CCBE1: variants seen among roughly 807,000 people sequenced by gnomAD.
The protein encoded by CCBE1 is collagen and calcium binding EGF domains 1.
CCBE1 carries 37 observed loss-of-function variants against 50.0 expected under a neutral mutation model. The observed-to-expected ratio is 0.74, with a 90% CI of 0.57 to 0.97. The LOEUF is 0.97. Among genes scored for constraint, CCBE1 ranks in the 50% least tolerant of loss-of-function variants. The pLI is 0.00. For synonymous variants in CCBE1, 234 were observed against 203.7 expected (o/e 1.15, Z -1.27); for missense variants, 538 against 523.8 (o/e 1.03, Z -0.26).
rs181363533 is a variant in CCBE1 at position 59,445,131 on chromosome 18, C to A, written c.775+2852G>T. On this transcript the variant is annotated intron_variant, in intron 7 of 10. Coordinates refer to ENST00000439986, the MANE Select transcript of CCBE1 (RefSeq NM_133459.4). The stretch of plus-strand genomic sequence containing the variant: ...CATCACCAAATCCAATGTCATGAAG[C>A]TTTCCTCTATGTTTTCTTCTAGGAT... 2.8e-4 allele frequency among the ~76,000 whole-genome samples: 42 copies of A among 152,242 alleles called. No individual in the cohort carries two copies. The East Asian group carries it at 7.1e-3, about 26-fold the overall frequency.
chr18:59,670,483 G>A (rs2144707889), intron 2 of CCBE1, among the ~76,000 whole-genome samples: 1 of 152,262 alleles, frequency 6.6e-6, no homozygotes, highest in Middle Eastern at 3.4e-3. Flanking sequence ...CTTTCATAAT[G>A]AGGATTTGTC....
chr18:59,502,286 C>T (rs927330407), intron 2 of CCBE1, among the ~76,000 whole-genome samples: 1 of 152,226 alleles, frequency 6.6e-6, no homozygotes, highest in Non-Finnish European at 1.5e-5. Flanking sequence ...TGCTGAGCAA[C>T]TGCACCCTCG....
intron 2 of CCBE1, among the ~76,000 whole-genome samples, chr18:59,533,480 T>G (rs1400980492): frequency 6.6e-6 from 1 of 152,214 alleles, no homozygotes; most frequent in Non-Finnish European, 1.5e-5. Flanking sequence ...TTTCAAAATT[T>G]TATATTCACA....
chr18:59,526,937 C>G (rs1038681030), intron 2 of CCBE1, among the ~76,000 whole-genome samples: 2 of 152,062 alleles, frequency 1.3e-5, no homozygotes, highest in African/African-American at 4.8e-5. Context: ...ATTATGTGAT[C>G]AATTTTAGAA....
At chr18:59,574,779 T>G (rs577431402) in intron 2 of CCBE1, among the ~76,000 whole-genome samples, 8 of 152,274 alleles carry the variant, frequency 5.3e-5, no homozygotes, top group Admixed American at 1.3e-4. Flanking sequence ...CTTATACCTC[T>G]AGGTAGATGA....
intron 2 of CCBE1, among the ~76,000 whole-genome samples, chr18:59,504,787 TTCC>T (rs1186941535): frequency 2.0e-5 from 3 of 152,150 alleles, no homozygotes; most frequent in African/African-American, 7.2e-5. Flanking sequence ...TTATATTGAT[TTCC>T]TCCTCCTCTT....
chr18:59,457,513 T>C (rs1911253178), intron 5 of CCBE1, among the ~76,000 whole-genome samples: 1 of 152,182 alleles, frequency 6.6e-6, no homozygotes, highest in Non-Finnish European at 1.5e-5. Context: ...GGCAAGGTAA[T>C]GCACGGAAAG....
At chr18:59,557,873 A>G (rs1304096038) in intron 2 of CCBE1, among the ~76,000 whole-genome samples, 1 of 152,036 alleles carries the variant, frequency 6.6e-6, no homozygotes, top group East Asian at 1.9e-4. Context: ...AACCTGGACC[A>G]CTCTTAGTCA....
At chr18:59,630,077 G>A (rs898390101) in intron 2 of CCBE1, among the ~76,000 whole-genome samples, 34 of 152,174 alleles carry the variant, frequency 2.2e-4, no homozygotes, top group Non-Finnish European at 2.4e-4. Context: ...AGCTGTATAA[G>A]GAAACAGGAG....
At chr18:59,678,641 T>G (rs921892349) in intron 2 of CCBE1, among the ~76,000 whole-genome samples, 2 of 151,990 alleles carry the variant, frequency 1.3e-5, no homozygotes, top group African/African-American at 4.8e-5. Flanking sequence ...CAAGCGATTC[T>G]CCTGCCTCAG....
Position 59,697,338 on chromosome 18 carries a change from A to G in CCBE1, c.5T>C (p.Val2Ala). M[V>A]PPPPSRGGAA... ...TCCTCCCCGGCTCGGAGGCGGCGGC[A>G]CCATCAGGGAAGCTCCCGGCTTCTT... The change falls in exon 1 of 11, where the codon GTG becomes GCG. Residue 2 changes from valine (V) to alanine (A), a missense_variant. Val to Ala is a moderately conservative substitution (Grantham distance 64). Coordinates refer to ENST00000439986, the MANE Select transcript of CCBE1 (RefSeq NM_133459.4). 6.5e-7 allele frequency: 1 copy of G among 1,547,172 alleles called. No individual in the cohort carries two copies. The highest frequency in any genetic ancestry group is 8.7e-7 in the Non-Finnish European group (1 of 1,146,746).
chr18:59,568,855 G>A (rs1028276580), intron 2 of CCBE1, among the ~76,000 whole-genome samples: 1 of 152,198 alleles, frequency 6.6e-6, no homozygotes, highest in African/African-American at 2.4e-5. Context: ...GCCACAGCAA[G>A]CTGATTCACA....
chr18:59,461,068 T>C (rs1911449281), intron 5 of CCBE1, among the ~76,000 whole-genome samples: 1 of 152,132 alleles, frequency 6.6e-6, no homozygotes, highest in Non-Finnish European at 1.5e-5. Flanking sequence ...TCTGAAAGGG[T>C]GAAAGGGTCT....
chr18:59,596,634 A>G (rs536775068), intron 2 of CCBE1, among the ~76,000 whole-genome samples: 2 of 152,290 alleles, frequency 1.3e-5, no homozygotes, highest in South Asian at 4.1e-4. Context: ...CCAGGTTCTC[A>G]CAATTGATAG....
intron 6 of CCBE1, among the ~76,000 whole-genome samples, chr18:59,454,600 T>C (rs1205347969): frequency 2.0e-5 from 3 of 152,204 alleles, no homozygotes; most frequent in African/African-American, 7.2e-5. Context: ...ATCTATGGCT[T>C]TGCCACGTGT....
chr18:59,575,029 T>C (rs1179413217), intron 2 of CCBE1, among the ~76,000 whole-genome samples: 1 of 152,142 alleles, frequency 6.6e-6, no homozygotes, highest in African/African-American at 2.4e-5. Flanking sequence ...GAAAACACCA[T>C]GTGAGGATAA....
At chr18:59,466,532 T>C (rs1050298766) in intron 5 of CCBE1, among the ~76,000 whole-genome samples, 1 of 151,946 alleles carries the variant, frequency 6.6e-6, no homozygotes, top group African/African-American at 2.4e-5. Flanking sequence ...TAATTATGTA[T>C]AATTACATAT....
At chr18:59,607,313 G>C (rs937650696) in intron 2 of CCBE1, among the ~76,000 whole-genome samples, 2 of 152,190 alleles carry the variant, frequency 1.3e-5, no homozygotes, top group Non-Finnish European at 2.9e-5. Flanking sequence ...AGCCCTCTTA[G>C]AGTCCAGAAT....
intron 6 of CCBE1, among the ~76,000 whole-genome samples, chr18:59,452,591 TCAAAA>T (rs961554955): frequency 1.3e-5 from 2 of 151,944 alleles, no homozygotes; most frequent in African/African-American, 4.8e-5. Flanking sequence ...AGACTTCATC[TCAAAA>T]CAAAACAAAA....
Sources: allele counts gnomAD v4.1 joint callset (sites outside exome capture counted in the v4.1 genomes callset), GRCh38; gene constraint gnomAD v4.1.1; transcripts MANE v1.5; gene names NCBI Gene and HGNC (gene_info 2026-07-23, HGNC 2026-07-21).